The following ZNF107 variants were observed in gnomAD, a reference collection of about 807,000 sequenced individuals.
ZNF107 encodes the protein zinc finger protein 107.
A neutral mutation model predicts 12.3 loss-of-function variants in ZNF107; 19 were observed. That is an observed-to-expected ratio of 1.55 (90% CI 1.08 to 2.27). The LOEUF (loss-of-function observed/expected upper bound fraction) is 2.27. ZNF107 is among the 30% of genes most tolerant of loss of function. The probability of loss-of-function intolerance (pLI) is 0.00; values close to 1 mark genes in which losing one functional copy is unlikely to be tolerated. For missense variants in ZNF107, 958 were observed against 979.9 expected, an observed-to-expected ratio of 0.98 and a Z score of 0.30; for synonymous variants, 317 against 330.5, an observed-to-expected ratio of 0.96 and a Z score of 0.44.
At chr7:64,702,161 T>TA (rs899727615) in intron 3 of ZNF107, among the ~76,000 whole-genome samples, 1 of 152,056 alleles carries the variant, frequency 6.6e-6, no homozygotes, top group Non-Finnish European at 1.5e-5. Context: ...TTTTATTTTT[T>TA]TTTTTGAGAC....
At position 64,707,854 on chromosome 7, in the gene ZNF107, T is replaced by G; in HGVS notation, c.1757T>G (p.Val586Gly). Residue 586 changes from valine to glycine, a missense_variant, in exon 4 of 4, where the codon GTT becomes GGT. Val to Gly is a moderately radical substitution (Grantham distance 109). Coordinates refer to ENST00000620827, the MANE Select transcript of ZNF107 (RefSeq NM_001282359.2). ...QSYQLTRHKI[V>G]HTKEKLNKCE... Reference sequence around the variant, plus strand: ...TATCAACTTACTAGACATAAGATAGTTCATACTAAAGAGAAACTCAACAAA... The same window carrying G: ...TATCAACTTACTAGACATAAGATAGGTCATACTAAAGAGAAACTCAACAAA... 1 of 1,613,474 alleles carries G rather than the reference T, an allele frequency of 6.2e-7. No individual in the cohort carries two copies. The highest frequency in any genetic ancestry group is 8.5e-7 in the Non-Finnish European group (1 of 1,179,728).
intron 3 of ZNF107, among the ~76,000 whole-genome samples, chr7:64,699,250 C>T (rs985534369): frequency 6.6e-6 from 1 of 152,004 alleles, no homozygotes; most frequent in Non-Finnish European, 1.5e-5. Context: ...GTTATATTGA[C>T]ATCTTTTAAA....
At chr7:64,680,558 G>A (rs115443727) in intron 1 of ZNF107, among the ~76,000 whole-genome samples, 2,918 of 152,196 alleles carry the variant, frequency 0.019, 82 homozygotes, top group African/African-American at 0.065. Flanking sequence ...AAAAAGCTGC[G>A]TATAAGGCTG....
At chr7:64,675,685 T>G (rs1789391168) in intron 1 of ZNF107, among the ~76,000 whole-genome samples, 1 of 152,206 alleles carries the variant, frequency 6.6e-6, no homozygotes, top group African/African-American at 2.4e-5. Context: ...GTTTATAATG[T>G]TAGTTTGTTA....
chr7:64,678,328 C>T (rs1789506474), intron 1 of ZNF107, among the ~76,000 whole-genome samples: 1 of 152,086 alleles, frequency 6.6e-6, no homozygotes, highest in South Asian at 2.1e-4. Context: ...ATGGATTATC[C>T]AACGTAATTA....
intron 1 of ZNF107, among the ~76,000 whole-genome samples, chr7:64,674,127 T>G (rs1562823673): frequency 3.3e-5 from 5 of 151,566 alleles, no homozygotes; most frequent in Admixed American, 2.6e-4. Flanking sequence ...AATAGGTGTT[T>G]TTTTTTTTTA....
At chr7:64,682,134 C>A (rs150936270) in intron 1 of ZNF107, among the ~76,000 whole-genome samples, 177 of 151,752 alleles carry the variant, frequency 1.2e-3, no homozygotes, top group African/African-American at 4.0e-3. Context: ...TGCAGTCTCT[C>A]CTAGGAATCC....
intron 3 of ZNF107, among the ~76,000 whole-genome samples, chr7:64,695,635 T>C (rs1790264002): frequency 6.6e-6 from 1 of 152,216 alleles, no homozygotes; most frequent in African/African-American, 2.4e-5. Context: ...AATCAGATTA[T>C]ATATGTGCGT....
At chr7:64,683,863 G>T (rs898061457) in intron 1 of ZNF107, among the ~76,000 whole-genome samples, 5 of 152,106 alleles carry the variant, frequency 3.3e-5, no homozygotes, top group Admixed American at 2.0e-4. Context: ...TCCTAGTTTG[G>T]GTTGATACCT....
At chr7:64,692,089 G>GTT in intron 3 of ZNF107, 129 bp downstream of exon 3, 2 of 569,924 alleles carry the variant, frequency 3.5e-6, no homozygotes, top group Non-Finnish European at 5.2e-6. Context: ...GAAAGCCTGA[G>GTT]TTTTTTTTTC....
At chr7:64,695,618 C>T (rs971912001) in intron 3 of ZNF107, among the ~76,000 whole-genome samples, 1 of 152,122 alleles carries the variant, frequency 6.6e-6, no homozygotes, top group Non-Finnish European at 1.5e-5. Context: ...AGCCATATGT[C>T]TATTACAATC....
intron 1 of ZNF107, among the ~76,000 whole-genome samples, chr7:64,685,043 C>G (rs1789847732): frequency 6.6e-6 from 1 of 152,132 alleles, no homozygotes. Flanking sequence ...GGAAAAAGCC[C>G]CTTCTAACTC....
chr7:64,673,108 A>T (rs1157474460), intron 1 of ZNF107, among the ~76,000 whole-genome samples: 1 of 152,176 alleles, frequency 6.6e-6, no homozygotes, highest in South Asian at 2.1e-4. Flanking sequence ...CAGTGGCACG[A>T]TCTTGGCTCA....
At chr7:64,691,397 A>G in intron 2 of ZNF107, 23 bp downstream of exon 2, 1 of 1,414,890 alleles carries the variant, frequency 7.1e-7, no homozygotes, top group Admixed American at 2.6e-5. Context: ...TCAATACACA[A>G]TTCCCAAAAT....
At chr7:64,705,396 T>C (rs961386995) in intron 3 of ZNF107, among the ~76,000 whole-genome samples, 1 of 152,098 alleles carries the variant, frequency 6.6e-6, no homozygotes, top group African/African-American at 2.4e-5. Context: ...TTGTTTGTGT[T>C]CCTATTCACT....
chr7:64,707,789 C>T lies in ZNF107; in HGVS notation c.1692C>T (p.Pro564=), dbSNP rs532251114. 1.8e-4 allele frequency: 285 copies of T among 1,611,336 alleles called. 3 individuals are homozygous for T. The South Asian group carries it at 2.9e-3, about 17-fold the overall frequency. ...KHKRIHTGEK[P]YKCEECGKAF... ...AGAGAATTCATACTGGAGAAAAACC[C>T]TATAAATGTGAAGAATGTGGAAAAG... The change falls in exon 4 of 4, where the codon CCC becomes CCT. Residue 564 remains proline (P), a synonymous_variant. Transcript: ENST00000620827.
chr7:64,707,560 A>G lies in ZNF107; in HGVS notation c.1463A>G (p.Lys488Arg), dbSNP rs1400187052. Residue 488 changes from lysine to arginine, a missense_variant, in exon 4 of 4, where the codon AAA becomes AGA. Lys to Arg is a conservative substitution (Grantham distance 26). Transcript: ENST00000620827. Reference sequence around the variant, plus strand: ...CCATACAAATGTGAAGAATGTGGAAAAGCTTTTAATCGATCCTCAACCCTT... The same window carrying G: ...CCATACAAATGTGAAGAATGTGGAAGAGCTTTTAATCGATCCTCAACCCTT... ...EKPYKCEECGKAFNRSSTLTR... is the reference protein window; with the variant it reads ...EKPYKCEECGRAFNRSSTLTR... The G allele has an allele frequency of 2.5e-6, 4 of 1,613,114 alleles. No homozygotes were observed. Among genetic ancestry groups the G allele is most frequent in the Non-Finnish European group, 3.4e-6 (4 of 1,179,628 alleles).
At chr7:64,676,799 T>A (rs1208363819) in intron 1 of ZNF107, among the ~76,000 whole-genome samples, 1 of 152,200 alleles carries the variant, frequency 6.6e-6, no homozygotes, top group Non-Finnish European at 1.5e-5. Flanking sequence ...ATAGGTTCAG[T>A]CACTCCCCTT....
At chr7:64,678,439 C>T (rs966878485) in intron 1 of ZNF107, among the ~76,000 whole-genome samples, 1 of 152,118 alleles carries the variant, frequency 6.6e-6, no homozygotes, top group African/African-American at 2.4e-5. Context: ...CTATTTATTA[C>T]TTCAGAACAA....
Sources: gnomAD v4.1 joint callset for allele counts (sites outside exome capture counted in the v4.1 genomes callset) on GRCh38, gnomAD v4.1.1 for gene constraint, MANE v1.5 for transcripts, NCBI Gene and HGNC (gene_info 2026-07-23, HGNC 2026-07-21) for gene names.